The following SNRPN variants were observed in gnomAD, a reference collection of about 807,000 sequenced individuals.
The protein encoded by SNRPN is small nuclear ribonucleoprotein-associated protein N.
In SNRPN, 7 loss-of-function variants were observed where a neutral mutation model predicts 25.2. The observed-to-expected ratio is 0.28, with a 90% confidence interval of 0.16 to 0.52. SNRPN has a LOEUF of 0.52. SNRPN is among the 20% of genes least tolerant of loss of function. The pLI, the probability that SNRPN is intolerant of heterozygous loss-of-function variation, is 0.96. For synonymous variants in SNRPN, 124 were observed against 110.6 expected (o/e 1.12, Z -0.76); for missense variants, 196 against 322.5 (o/e 0.61, Z 3.00).
At chr15:24,893,054 C>G (rs2057800481) in intron 2 of SNRPN, among the ~76,000 whole-genome samples, 1 of 151,672 alleles carries the variant, frequency 6.6e-6, no homozygotes. Context: ...ACTAAAAATA[C>G]AAAAATTAGC....
At chr15:24,825,420 A>G (rs1201114672) in intron 1 of SNRPN, among the ~76,000 whole-genome samples, 2 of 152,020 alleles carry the variant, frequency 1.3e-5, no homozygotes, top group Non-Finnish European at 1.5e-5. Flanking sequence ...AATAGAGGAG[A>G]TAAGATTTAC....
rs34575205 is a variant in SNRPN at position 24,923,923 on chromosome 15, A to ATTTT, written c.-391+3821_-391+3824dup. 6.7e-5 allele frequency among the ~76,000 whole-genome samples: 6 copies of ATTTT among 89,916 alleles called. 1 individual carries two copies. The highest frequency in any genetic ancestry group is 9.3e-5 in the African/African-American group (2 of 21,490). 59.0% of individuals were successfully genotyped at this position (89,916 alleles called of 152,430 possible). ...TGTGTGTGTGTGTGTGTATATAAACATTTTTTTTTTTTTTTTTTTTTTTTT... is the reference window on the plus strand; with the variant it reads ...TGTGTGTGTGTGTGTGTATATAAACATTTTTTTTTTTTTTTTTTTTTTTTTTTTT... On this transcript the variant is annotated intron_variant, in intron 3 of 11. Coordinates refer to the SNRPN transcript ENST00000400097.
intron 2 of SNRPN, among the ~76,000 whole-genome samples, chr15:24,907,916 G>A (rs2151956487): frequency 6.6e-6 from 1 of 151,992 alleles, no homozygotes; most frequent in South Asian, 2.1e-4. Context: ...AGCTGGGCAT[G>A]GTGGTGGGCA....
rs75119607 is a variant in SNRPN at position 24,867,568 on chromosome 15, G to T, written c.-579+10852G>T. Among the ~76,000 whole-genome samples the T allele has an allele frequency of 9.5e-3, 1,439 of 152,172 alleles. 9 individuals are homozygous for T. Among genetic ancestry groups the T allele is most frequent in the South Asian group, 0.016 (75 of 4,822 alleles). ...TTTTTGTATTTTTAGTAGAGACAGGGTTTCACCATGTTAGCCAGGATGGTC... is the reference window on the plus strand; with the variant it reads ...TTTTTGTATTTTTAGTAGAGACAGGTTTTCACCATGTTAGCCAGGATGGTC... On this transcript the variant is annotated intron_variant, in intron 1 of 11. Coordinates refer to the SNRPN transcript ENST00000400097.
At chr15:24,875,597 T>C (rs1392034093) in intron 1 of SNRPN, among the ~76,000 whole-genome samples, 4 of 152,184 alleles carry the variant, frequency 2.6e-5, no homozygotes, top group African/African-American at 7.2e-5. Flanking sequence ...AAATCAATTT[T>C]CCCCCCATTG....
intron 2 of SNRPN, among the ~76,000 whole-genome samples, chr15:24,835,125 A>AAT (rs372077126): frequency 1.6e-5 from 1 of 60,762 alleles, no homozygotes; most frequent in Non-Finnish European, 3.5e-5. Flanking sequence ...CTATATATAA[A>AAT]ATATATAGAT....
At chr15:24,867,316 A>G (rs2054658051) in intron 1 of SNRPN, among the ~76,000 whole-genome samples, 1 of 152,056 alleles carries the variant, frequency 6.6e-6, no homozygotes, top group Non-Finnish European at 1.5e-5. Flanking sequence ...TGTAACAGGT[A>G]TAATATCTCA....
intron 2 of SNRPN, among the ~76,000 whole-genome samples, chr15:24,915,086 G>C (rs970215323): frequency 6.6e-6 from 1 of 151,646 alleles, no homozygotes; most frequent in Admixed American, 6.6e-5. Context: ...AGATATCAAG[G>C]GTGATCAGAT....
At chr15:24,955,770 G>A (rs1471115282) in intron 1 of SNRPN, among the ~76,000 whole-genome samples, 1 of 150,472 alleles carries the variant, frequency 6.6e-6, no homozygotes, top group Admixed American at 6.6e-5. Flanking sequence ...GGGTATTGGC[G>A]GCGGTGGGCA....
intron 2 of SNRPN, among the ~76,000 whole-genome samples, chr15:24,966,814 C>CA (rs1227165407): frequency 6.6e-6 from 1 of 152,102 alleles, no homozygotes; most frequent in Non-Finnish European, 1.5e-5. Context: ...TACATGCCAA[C>CA]AAGGGCAGCA....
chr15:24,834,288 C>CAG (rs5811363), intron 2 of SNRPN, among the ~76,000 whole-genome samples: 98,356 of 151,694 alleles, frequency 0.65, 32,350 homozygotes, highest in East Asian at 0.83. Context: ...AAGGAAATTT[C>CAG]AGAGAGGCTC....
chr15:24,864,111 C>T (rs2054287942), intron 1 of SNRPN, among the ~76,000 whole-genome samples: 1 of 148,376 alleles, frequency 6.7e-6, no homozygotes, highest in African/African-American at 2.5e-5. Context: ...ACTGCAAGCT[C>T]CGCCTCCCGG....
intron 3 of SNRPN, among the ~76,000 whole-genome samples, chr15:24,932,544 T>C (rs2060944276): frequency 6.6e-6 from 1 of 152,064 alleles, no homozygotes; most frequent in South Asian, 2.1e-4. Flanking sequence ...TAAGACCTAG[T>C]TGAGAAGGCA....
At chr15:24,879,244 G>A (rs182597376) in intron 1 of SNRPN, among the ~76,000 whole-genome samples, 1 of 152,146 alleles carries the variant, frequency 6.6e-6, no homozygotes, top group Non-Finnish European at 1.5e-5. Flanking sequence ...AGACCAGCCT[G>A]GGCAACACGG....
intron 3 of SNRPN, among the ~76,000 whole-genome samples, chr15:24,945,591 T>C (rs528028642): frequency 6.6e-6 from 1 of 152,224 alleles, no homozygotes; most frequent in South Asian, 2.1e-4. Flanking sequence ...GGATTTGGCA[T>C]AGTTTGCTGA....
At chr15:24,859,609 G>A (rs559367283) in intron 1 of SNRPN, among the ~76,000 whole-genome samples, 3 of 152,220 alleles carry the variant, frequency 2.0e-5, no homozygotes, top group Admixed American at 6.5e-5. Flanking sequence ...ACAGGAAAAG[G>A]GTCCTGATCC....
intron 2 of SNRPN, among the ~76,000 whole-genome samples, chr15:24,890,047 C>CA (rs538959500): frequency 0.36 from 30,436 of 84,410 alleles, 4,084 homozygotes; most frequent in East Asian, 0.49. Context: ...AACTCCATTT[C>CA]AAAAAAAAAA....
intron 3 of SNRPN, chr15:24,968,291 G>T: frequency 2.5e-6 from 1 of 394,172 alleles, no homozygotes; most frequent in Non-Finnish European, 4.6e-6. Context: ...TTATTGTAGC[G>T]CATGCTTTTC....
intron 1 of SNRPN, among the ~76,000 whole-genome samples, chr15:24,882,905 C>T (rs1007674571): frequency 1.3e-5 from 2 of 151,628 alleles, no homozygotes; most frequent in African/African-American, 2.4e-5. Context: ...ATTGGCCCAG[C>T]CTTGAGCACT....
Sources: gnomAD v4.1 joint callset for allele counts (sites outside exome capture counted in the v4.1 genomes callset) on GRCh38, gnomAD v4.1.1 for gene constraint, MANE v1.5 for transcripts, NCBI Gene and HGNC (gene_info 2026-07-23, HGNC 2026-07-21) for gene names.